Variants in PTPN4 observed in about 807,000 individuals in gnomAD.
PTPN4 encodes tyrosine-protein phosphatase non-receptor type 4.
PTPN4 carries 49 observed loss-of-function variants against 135.5 expected under a neutral mutation model. The observed-to-expected ratio is 0.36, with a 90% CI of 0.29 to 0.46. PTPN4 has a LOEUF of 0.46. Among genes scored for constraint, PTPN4 ranks in the 20% least tolerant of loss-of-function variants. PTPN4 has a pLI of 1.00. For missense variants in PTPN4, 860 were observed against 1,101.0 expected (o/e 0.78, Z 3.10); for synonymous variants, 333 against 369.9 (o/e 0.90, Z 1.14).
chr2:119,844,680 C>G (rs1257144551), intron 2 of PTPN4, among the ~76,000 whole-genome samples: 1 of 151,456 alleles, frequency 6.6e-6, no homozygotes, highest in Non-Finnish European at 1.5e-5. Flanking sequence ...ATGCTCCTCA[C>G]TTCCTAGATG....
chr2:119,878,183 G>T (rs188924501), intron 5 of PTPN4, among the ~76,000 whole-genome samples: 373 of 152,236 alleles, frequency 2.5e-3, no homozygotes, highest in African/African-American at 8.5e-3. Flanking sequence ...ATATACACAT[G>T]AATGATCCAG....
chr2:119,826,525 G>C (rs1025934136), intron 2 of PTPN4, among the ~76,000 whole-genome samples: 2 of 152,110 alleles, frequency 1.3e-5, no homozygotes, highest in East Asian at 3.9e-4. Context: ...GACATTTTTT[G>C]TTGTCACAGT....
At position 119,932,512 on chromosome 2, in the gene PTPN4, A is replaced by G. The variant is rs755003772; in HGVS notation, c.1159A>G (p.Ser387Gly). The G allele has an allele frequency of 6.2e-7, 1 of 1,612,190 alleles. No homozygotes were observed. The highest frequency in any genetic ancestry group is 1.7e-5 in the Admixed American group (1 of 59,932). Residue 387 changes from serine to glycine, a missense_variant, in exon 14 of 27, where the codon AGT (serine) becomes GGT (glycine). Ser to Gly is a moderately conservative substitution (Grantham distance 56). Coordinates refer to ENST00000263708, the MANE Select transcript of PTPN4 (RefSeq NM_002830.4). ...ATCTGATGACAGGTTAGAAACACAA[A>G]GTCTTCCATCACGATCTCCACCGGG... ...SISDDRLETQ[S>G]LPSRSPPGTP...
At chr2:119,861,727 C>T (rs903826957) in intron 2 of PTPN4, among the ~76,000 whole-genome samples, 1 of 151,958 alleles carries the variant, frequency 6.6e-6, no homozygotes, top group Non-Finnish European at 1.5e-5. Context: ...ACATGTTGAT[C>T]ATTTGTCTGT....
intron 1 of PTPN4, among the ~76,000 whole-genome samples, chr2:119,783,356 C>T (rs1473619577): frequency 6.6e-6 from 1 of 152,158 alleles, no homozygotes; most frequent in Non-Finnish European, 1.5e-5. Flanking sequence ...CATTTGTGAG[C>T]CCTTACTGTA....
chr2:119,765,728 A>G (rs545589433), intron 1 of PTPN4, among the ~76,000 whole-genome samples: 2 of 152,380 alleles, frequency 1.3e-5, no homozygotes, highest in South Asian at 4.1e-4. Context: ...AGATCTGGGG[A>G]AAAGAAGTGG....
At chr2:119,813,928 A>G (rs1558734043) in intron 2 of PTPN4, among the ~76,000 whole-genome samples, 1 of 152,118 alleles carries the variant, frequency 6.6e-6, no homozygotes, top group African/African-American at 2.4e-5. Context: ...AAGGAGTCAG[A>G]GATGATGAAA....
chr2:119,944,762 C>T (rs774235678), intron 15 of PTPN4, among the ~76,000 whole-genome samples: 9 of 152,104 alleles, frequency 5.9e-5, no homozygotes, highest in African/African-American at 2.2e-4. Flanking sequence ...TACCTTATTC[C>T]TGGCTACCCG....
intron 9 of PTPN4, among the ~76,000 whole-genome samples, chr2:119,886,174 T>A (rs1678152823): frequency 6.6e-6 from 1 of 152,224 alleles, no homozygotes; most frequent in Admixed American, 6.5e-5. Context: ...ATTGTTAGGC[T>A]ATAGGAAAAG....
At chr2:119,842,827 A>G (rs567738954) in intron 2 of PTPN4, among the ~76,000 whole-genome samples, 76 of 152,224 alleles carry the variant, frequency 5.0e-4, no homozygotes, top group African/African-American at 1.7e-3. Context: ...CAGATCTTTT[A>G]TAGCTATCAC....
Position 119,981,607 on chromosome 2 carries a change from T to C in PTPN4, c.*4537T>C, listed in dbSNP as rs992709182. On this transcript the variant is annotated 3_prime_UTR_variant, in exon 27 of 27. Transcript: ENST00000263708. ...TAAAACATTTTTGAGGGCTAATTGA[T>C]AATAATTTCAGCAATTTTATTAAGA... is the stretch of plus-strand genomic sequence containing the variant. 6.6e-6 allele frequency: 1 copy of C among 152,076 alleles called. No homozygotes were observed. Among genetic ancestry groups the C allele is most frequent in the African/African-American group, 2.4e-5 (1 of 41,446 alleles). The allele number at this position is 152,076 out of a possible 1,614,324, so 9.4% of individuals were successfully genotyped here.
chr2:119,862,445 A>C (rs1310445135), intron 2 of PTPN4, 91 bp from the exon 3 acceptor site: 5 of 1,185,326 alleles, frequency 4.2e-6, no homozygotes, highest in Non-Finnish European at 6.0e-6. Flanking sequence ...AAATGGGTTA[A>C]TAGATGAGGA....
intron 2 of PTPN4, among the ~76,000 whole-genome samples, chr2:119,839,406 A>G (rs558445215): frequency 3.9e-5 from 6 of 152,366 alleles, no homozygotes; most frequent in African/African-American, 1.2e-4. Flanking sequence ...CATTGTTTCC[A>G]GAATCTTCTG....
chr2:119,904,836 T>C (rs1260457878), intron 10 of PTPN4, among the ~76,000 whole-genome samples: 1 of 152,128 alleles, frequency 6.6e-6, no homozygotes, highest in East Asian at 1.9e-4. Flanking sequence ...AAAGTCTTTC[T>C]GAGATAGGCA....
intron 9 of PTPN4, among the ~76,000 whole-genome samples, chr2:119,898,929 G>A (rs913367060): frequency 2.0e-5 from 3 of 152,020 alleles, no homozygotes; most frequent in African/African-American, 7.2e-5. Context: ...TATTGGGTTT[G>A]GTATATCTCT....
intron 15 of PTPN4, among the ~76,000 whole-genome samples, chr2:119,936,124 T>G (rs1277324849): frequency 6.6e-6 from 1 of 151,940 alleles, no homozygotes; most frequent in African/African-American, 2.4e-5. Context: ...TGCCTCAACC[T>G]CCCGAGTAGC....
chr2:119,814,680 T>G (rs1574348772), intron 2 of PTPN4, among the ~76,000 whole-genome samples: 1 of 152,350 alleles, frequency 6.6e-6, no homozygotes, highest in South Asian at 2.1e-4. Flanking sequence ...CCTACACTGT[T>G]ATTTTAGTGT....
At position 119,828,005 on chromosome 2, in the gene PTPN4, G is replaced by T. The variant is rs1677169762; in HGVS notation, c.138+18014G>T. 2.0e-5 allele frequency among the ~76,000 whole-genome samples: 3 copies of T among 152,198 alleles called. No individual in the cohort carries two copies. In the South Asian group the frequency reaches 6.2e-4, roughly 32 times the overall value. On this transcript the variant is annotated intron_variant, in intron 2 of 26. Transcript: ENST00000263708. Reference sequence around the variant, plus strand: ...AAGTGACTCACTTTTAACCCTGACAGTAAAGTTACCCTTTGTGGCTCCCAG... The same window carrying T: ...AAGTGACTCACTTTTAACCCTGACATTAAAGTTACCCTTTGTGGCTCCCAG...
chr2:119,972,203 C>T (rs1679544384), intron 26 of PTPN4, among the ~76,000 whole-genome samples: 1 of 150,196 alleles, frequency 6.7e-6, no homozygotes, highest in Non-Finnish European at 1.5e-5. Flanking sequence ...CCAGAATGTT[C>T]ATAGGGATTG....
Sources: gnomAD v4.1 joint callset for allele counts (sites outside exome capture counted in the v4.1 genomes callset) on GRCh38, gnomAD v4.1.1 for gene constraint, MANE v1.5 for transcripts, NCBI Gene and HGNC (gene_info 2026-07-23, HGNC 2026-07-21) for gene names.